The following NLRP14 variants were observed in gnomAD, a reference collection of about 807,000 sequenced individuals.
The protein encoded by NLRP14 is NACHT, LRR and PYD domains-containing protein 14.
A neutral mutation model predicts 94.7 loss-of-function variants in NLRP14; 105 were observed. The observed-to-expected ratio is 1.11, with a 90% CI of 0.95 to 1.30. The LOEUF (loss-of-function observed/expected upper bound fraction) is 1.30, where lower values mean the gene tolerates loss of function less well. Among genes scored for constraint, NLRP14 ranks in the 50% most tolerant of loss-of-function variants. The pLI, the probability that NLRP14 is intolerant of heterozygous loss-of-function variation, is 0.00. For missense variants in NLRP14, 1,362 were observed against 1,254.1 expected (o/e 1.09, Z -1.30); for synonymous variants, 508 against 459.9 (o/e 1.10, Z -1.34).
At chr11:7,036,699 T>C (rs1158786252) in intron 1 of NLRP14, among the ~76,000 whole-genome samples, 1 of 148,318 alleles carries the variant, frequency 6.7e-6, no homozygotes, top group Admixed American at 6.7e-5. Flanking sequence ...GTATGAGTTA[T>C]TTCAGTGGAA....
rs370570427 is a variant in NLRP14 at position 7,039,761 on chromosome 11, C to A, written c.337C>A (p.Gln113Lys). The A allele has an allele frequency of 1.2e-6, 2 of 1,613,848 alleles. No individual in the cohort carries two copies. The highest frequency in any genetic ancestry group is 2.7e-5 in the African/African-American group (2 of 74,924). Residue 113 changes from glutamine (Q) to lysine (K), a missense_variant, in exon 3 of 12, where the codon CAA becomes AAA. By Grantham distance (53) the Gln-to-Lys change is moderately conservative. Coordinates refer to ENST00000299481, the MANE Select transcript of NLRP14 (RefSeq NM_176822.4). ...GPDDAKAGET[Q>K]EDQEAVLGDG... ...AGATGATGCCAAGGCTGGAGAGACA[C>A]AAGAAGATCAGGAGGCAGTGCTGGG...
At chr11:7,047,165 T>C (rs1852367965) in intron 5 of NLRP14, among the ~76,000 whole-genome samples, 1 of 152,240 alleles carries the variant, frequency 6.6e-6, no homozygotes, top group South Asian at 2.1e-4. Flanking sequence ...TTAAATTTTT[T>C]TCTATTGAGG....
rs1386750622 is a variant in NLRP14, at chr11:7,049,666, T to C, written c.2124-5T>C. 1 of 1,607,552 alleles carries C rather than the reference T, an allele frequency of 6.2e-7. No individual in the cohort carries two copies. The highest frequency in any genetic ancestry group is 1.1e-5 in the South Asian group (1 of 90,956). On this transcript the variant is annotated splice_polypyrimidine_tract_variant and splice_region_variant and intron_variant, in intron 5 of 11. Transcript: ENST00000299481. ...TAATACCTCCTGCATATTTTTCTTC[T>C]GAAGGTTGAAATTTATCACTTTCCC...
intron 1 of NLRP14, among the ~76,000 whole-genome samples, chr11:7,026,472 G>C (rs1208901613): frequency 6.6e-6 from 1 of 152,124 alleles, no homozygotes; most frequent in African/African-American, 2.4e-5. Context: ...TCTCACACCA[G>C]TTAGAATGGC....
downstream of NLRP14, among the ~76,000 whole-genome samples, chr11:7,076,389 AT>A (rs1364816236): frequency 8.6e-5 from 13 of 152,024 alleles, no homozygotes; most frequent in African/African-American, 2.4e-4. Flanking sequence ...TTTTTTGTGA[AT>A]TTTTATTGCA....
chr11:7,078,789 A>G, the NLRP14 span, among the ~76,000 whole-genome samples: 2 of 150,542 alleles, frequency 1.3e-5, no homozygotes, highest in African/African-American at 4.9e-5. Flanking sequence ...ACTCCGTCTC[A>G]AAAAAAAAAT....
chr11:7,050,664 A>C (rs1409655799), intron 6 of NLRP14, among the ~76,000 whole-genome samples: 1 of 152,194 alleles, frequency 6.6e-6, no homozygotes, highest in South Asian at 2.1e-4. Context: ...AGGAAAAATA[A>C]ATGAAGTCTG....
intron 2 of NLRP14, 25 bp downstream of exon 2, chr11:7,038,900 G>A (rs775058696): frequency 6.2e-7 from 1 of 1,610,518 alleles, no homozygotes; most frequent in South Asian, 1.1e-5. Flanking sequence ...GGGCAAATCG[G>A]GGGCTAGGCA....
chr11:7,040,874 A>G (rs1346863833), intron 3 of NLRP14, among the ~76,000 whole-genome samples: 1 of 152,220 alleles, frequency 6.6e-6, no homozygotes, highest in African/African-American at 2.4e-5. Context: ...GAAAAATCAC[A>G]TGGCTAATAA....
intron 1 of NLRP14, among the ~76,000 whole-genome samples, chr11:7,021,230 A>G (rs952726444): frequency 6.6e-6 from 1 of 152,242 alleles, no homozygotes; most frequent in African/African-American, 2.4e-5. Flanking sequence ...GCCAATAATA[A>G]TAGTAACTAT....
rs1434318722 is a variant in NLRP14, at chr11:7,043,102, A to G, written c.1076A>G (p.Asn359Ser). 27 of 1,614,190 alleles carry G rather than the reference A, an allele frequency of 1.7e-5. No homozygotes were observed. The highest frequency in any genetic ancestry group is 2.1e-5 in the Non-Finnish European group (25 of 1,180,030). Residue 359 changes from asparagine to serine, a missense_variant, in exon 4 of 12, where the codon AAT becomes AGT. Physicochemically the swap from Asn to Ser is conservative, Grantham distance 46. Coordinates refer to ENST00000299481, the MANE Select transcript of NLRP14 (RefSeq NM_176822.4). ...AAAGTATTCAGTTCACTAAAAAGCAATGAGATGCTGTTTAGCATGTGCCAA... is the reference window on the plus strand; with the variant it reads ...AAAGTATTCAGTTCACTAAAAAGCAGTGAGATGCTGTTTAGCATGTGCCAA... The part of the protein sequence containing the change: ...AMKVFSSLKS[N>S]EMLFSMCQVP...
At chr11:7,038,977 T>C in intron 2 of NLRP14, 102 bp downstream of exon 2, 1 of 1,108,898 alleles carries the variant, frequency 9.0e-7, no homozygotes, top group South Asian at 1.6e-5. Context: ...TTAAACCATG[T>C]TGGGGGACAT....
At chr11:7,060,376 G>A (rs1293398350) in intron 9 of NLRP14, among the ~76,000 whole-genome samples, 1 of 151,884 alleles carries the variant, frequency 6.6e-6, no homozygotes, top group Non-Finnish European at 1.5e-5. Flanking sequence ...TAATCCAGAA[G>A]CTAAAATTGT....
downstream of NLRP14, among the ~76,000 whole-genome samples, chr11:7,074,540 A>G (rs1055367801): frequency 2.6e-5 from 4 of 152,270 alleles, no homozygotes; most frequent in African/African-American, 9.6e-5. Context: ...GTTTCTTAAG[A>G]TAATTTCTAC....
At chr11:7,070,684 C>G (rs551267081) in intron 11 of NLRP14, among the ~76,000 whole-genome samples, 9 of 152,150 alleles carry the variant, frequency 5.9e-5, no homozygotes, top group African/African-American at 2.2e-4. Context: ...GAATTCTGAC[C>G]CTACCACTTA....
intron 10 of NLRP14, 119 bp from the exon 11 acceptor site, chr11:7,070,167 C>T: frequency 1.4e-6 from 1 of 726,212 alleles, no homozygotes; most frequent in Non-Finnish European, 2.4e-6. Flanking sequence ...TTTATACTAA[C>T]TGTGCTCATT....
At chr11:7,050,893 G>C (rs1852433189) in intron 6 of NLRP14, among the ~76,000 whole-genome samples, 2 of 152,196 alleles carry the variant, frequency 1.3e-5, no homozygotes, top group African/African-American at 4.8e-5. Context: ...ACTCAGGTAA[G>C]AAGTATGTCA....
intron 1 of NLRP14, among the ~76,000 whole-genome samples, chr11:7,028,842 G>C (rs1225013076): frequency 6.6e-6 from 1 of 152,080 alleles, no homozygotes; most frequent in African/African-American, 2.4e-5. Context: ...TTAAAAAAAT[G>C]AATGAAATAA....
chr11:7,078,784 G>A, the NLRP14 span, among the ~76,000 whole-genome samples: 11 of 151,800 alleles, frequency 7.2e-5, no homozygotes, highest in East Asian at 5.8e-4. Flanking sequence ...GTGACACTCC[G>A]TCTCAAAAAA....
Sources: allele counts gnomAD v4.1 joint callset (sites outside exome capture counted in the v4.1 genomes callset), GRCh38; gene constraint gnomAD v4.1.1; transcripts MANE v1.5; gene names NCBI Gene and HGNC (gene_info 2026-07-23, HGNC 2026-07-21).